The following RORA variants were observed in gnomAD, a reference collection of about 807,000 sequenced individuals.
RORA encodes nuclear receptor ROR-alpha.
A neutral mutation model predicts 69.5 loss-of-function variants in RORA; 7 were observed. The ratio of observed to expected loss-of-function variants is 0.10; its 90% confidence interval spans 0.06 to 0.19. The LOEUF (loss-of-function observed/expected upper bound fraction) is 0.19, where lower values mean the gene tolerates loss of function less well. Among genes scored for constraint, RORA ranks in the 10% least tolerant of loss-of-function variants. The pLI, the probability that RORA is intolerant of heterozygous loss-of-function variation, is 1.00. For missense variants in RORA, 457 were observed against 663.0 expected (o/e 0.69, Z 3.41); for synonymous variants, 261 against 240.8 (o/e 1.08, Z -0.78).
At chr15:61,033,415 A>AACAG in intron 1 of RORA, among the ~76,000 whole-genome samples, 1 of 16,998 alleles carries the variant, frequency 5.9e-5, no homozygotes, top group Admixed American at 6.9e-4. Flanking sequence ...TCTGAAAAAA[A>AACAG]AAACAAAAAC....
At chr15:60,504,216 G>A (rs1209932434) in intron 6 of RORA, among the ~76,000 whole-genome samples, 4 of 152,046 alleles carry the variant, frequency 2.6e-5, no homozygotes, top group East Asian at 1.9e-4. Context: ...TGAGCTAGGC[G>A]CTTTATGACA....
chr15:60,547,229 T>C (rs1390594372), intron 2 of RORA, among the ~76,000 whole-genome samples: 3 of 152,082 alleles, frequency 2.0e-5, no homozygotes, highest in Non-Finnish European at 4.4e-5. Context: ...GTTCTTATGT[T>C]GTCATTGCCC....
intron 1 of RORA, among the ~76,000 whole-genome samples, chr15:60,949,249 C>T (rs1054701895): frequency 6.6e-6 from 1 of 152,184 alleles, no homozygotes; most frequent in African/African-American, 2.4e-5. Context: ...ATTCCCAGCC[C>T]AGCCAAACTG....
At chr15:61,007,733 T>G (rs1313732002) in intron 1 of RORA, among the ~76,000 whole-genome samples, 6 of 148,752 alleles carry the variant, frequency 4.0e-5, no homozygotes, top group Non-Finnish European at 8.9e-5. Context: ...TTATATATTT[T>G]ATATAACATT....
chr15:60,721,985 A>G (rs1595659312), intron 1 of RORA, among the ~76,000 whole-genome samples: 2 of 152,358 alleles, frequency 1.3e-5, no homozygotes, highest in Admixed American at 1.3e-4. Flanking sequence ...CTATGCCTGT[A>G]TTCATTTGCT....
At position 60,604,589 on chromosome 15, in the gene RORA, C is replaced by T. The variant is rs569382532; in HGVS notation, c.197-72738G>A. 4.6e-5 allele frequency among the ~76,000 whole-genome samples: 7 copies of T among 152,224 alleles called. No homozygotes were observed. The East Asian group carries it at 9.6e-4, about 21-fold the overall frequency. ...AGTCAGGAAACATACCTGTCTTACT[C>T]GCCATTGTATTCCTTATATCATTAA... On this transcript the variant is annotated intron_variant, in intron 2 of 10. Transcript: ENST00000335670.
chr15:61,000,029 G>A lies in RORA; in HGVS notation c.166+229024C>T, dbSNP rs147522590. Among the ~76,000 whole-genome samples, 597 of 151,992 alleles carry A rather than the reference G, an allele frequency of 3.9e-3. 6 individuals are homozygous for A. Among genetic ancestry groups the A allele is most frequent in the African/African-American group, 0.014 (573 of 41,478 alleles). The stretch of plus-strand genomic sequence containing the variant: ...GACTTCCTGCACAGTAACATGAAAC[G>A]TTTCCATCAGATCAACAGCTGGAAA... On this transcript the variant is annotated intron_variant, in intron 1 of 10. Transcript: ENST00000335670.
chr15:60,735,395 A>G (rs1298270502), intron 1 of RORA, among the ~76,000 whole-genome samples: 1 of 152,212 alleles, frequency 6.6e-6, no homozygotes, highest in East Asian at 1.9e-4. Context: ...AGCAAGTGTT[A>G]TTAAATCTGT....
At chr15:60,850,173 C>G (rs116311324) in intron 1 of RORA, among the ~76,000 whole-genome samples, 1,893 of 152,214 alleles carry the variant, frequency 0.012, 43 homozygotes, top group African/African-American at 0.042. Context: ...AGGCTGATGC[C>G]CTCACTCATT....
intron 1 of RORA, among the ~76,000 whole-genome samples, chr15:60,808,289 T>A (rs1233787735): frequency 6.6e-6 from 1 of 152,026 alleles, no homozygotes; most frequent in African/African-American, 2.4e-5. Flanking sequence ...GATACACAAA[T>A]GGCCAACAAG....
At chr15:60,690,541 C>T (rs920405481) in intron 1 of RORA, among the ~76,000 whole-genome samples, 1 of 152,196 alleles carries the variant, frequency 6.6e-6, no homozygotes, top group East Asian at 1.9e-4. Flanking sequence ...CAGCTTCTAC[C>T]TCATATAAGT....
chr15:61,187,937 C>G (rs1230231772), intron 1 of RORA, among the ~76,000 whole-genome samples: 1 of 152,078 alleles, frequency 6.6e-6, no homozygotes, highest in Admixed American at 6.5e-5. Context: ...CCCCAACATC[C>G]TCTCCCTCAA....
At chr15:61,002,941 C>T (rs1894787080) in intron 1 of RORA, among the ~76,000 whole-genome samples, 1 of 145,312 alleles carries the variant, frequency 6.9e-6, no homozygotes, top group Non-Finnish European at 1.5e-5. Context: ...ACCATCTTGC[C>T]TAACACAGTG....
At chr15:61,174,039 C>G (rs1245566395) in intron 1 of RORA, among the ~76,000 whole-genome samples, 1 of 152,224 alleles carries the variant, frequency 6.6e-6, no homozygotes, top group Non-Finnish European at 1.5e-5. Context: ...CATTTCCATC[C>G]TGTTCCTGGC....
At position 61,226,799 on chromosome 15, in the gene RORA, T is replaced by C. The variant is rs1261522002; in HGVS notation, c.166+2254A>G. ...GCGTGCAGGATGTGAGTTGAGTGTTTGGGCCTTACCACCCCCCTCCCATTA... is the reference window on the plus strand; with the variant it reads ...GCGTGCAGGATGTGAGTTGAGTGTTCGGGCCTTACCACCCCCCTCCCATTA... On this transcript the variant is annotated intron_variant, in intron 1 of 10. Transcript: ENST00000335670. This position sits in a 1 kb window ranked among gnomAD's most constrained non-coding sequence, Gnocchi z 4.2. Among the ~76,000 whole-genome samples, 1 of 147,744 alleles carries C rather than the reference T, an allele frequency of 6.8e-6. No homozygotes were observed. The highest frequency in any genetic ancestry group is 1.5e-5 in the Non-Finnish European group (1 of 66,774).
chr15:61,117,541 T>G (rs1290518300), intron 1 of RORA, among the ~76,000 whole-genome samples: 1 of 152,252 alleles, frequency 6.6e-6, no homozygotes, highest in Non-Finnish European at 1.5e-5. Context: ...TTTTCTCATT[T>G]ATAGAAACTG....
chr15:60,745,404 AAGC>A (rs1327084676), intron 1 of RORA, among the ~76,000 whole-genome samples: 1 of 152,210 alleles, frequency 6.6e-6, no homozygotes, highest in Non-Finnish European at 1.5e-5. Flanking sequence ...GCTGCCTCAG[AAGC>A]AGATCTTTTC....
At chr15:60,558,282 T>C (rs201071590) in intron 2 of RORA, 2 of 1,612,616 alleles carry the variant, frequency 1.2e-6, no homozygotes, top group African/African-American at 1.3e-5. Context: ...GATGGAGTAT[T>C]TGGAGAATCC....
chr15:61,210,459 G>A (rs1412771153), intron 1 of RORA, among the ~76,000 whole-genome samples: 1 of 152,066 alleles, frequency 6.6e-6, no homozygotes, highest in Non-Finnish European at 1.5e-5. Context: ...GATTCCTGAA[G>A]GTTACCCCCA....
Sources: allele counts gnomAD v4.1 joint callset (sites outside exome capture counted in the v4.1 genomes callset), GRCh38; gene constraint gnomAD v4.1.1; non-coding constraint Gnocchi (gnomAD v3.1); transcripts MANE v1.5; gene names NCBI Gene and HGNC (gene_info 2026-07-23, HGNC 2026-07-21).